The following AP5M1 variants were observed in gnomAD, a reference collection of about 807,000 sequenced individuals.
AP5M1 encodes the protein AP-5 complex subunit mu-1.
In AP5M1, 44 loss-of-function variants were observed where a neutral mutation model predicts 52.3. That is an observed-to-expected ratio of 0.84 (90% CI 0.66 to 1.08). The LOEUF (loss-of-function observed/expected upper bound fraction) is 1.08. Among genes scored for constraint, AP5M1 ranks in the 50% least tolerant of loss-of-function variants. AP5M1 has a pLI of 0.00. For synonymous variants in AP5M1, 213 were observed against 199.0 expected, an observed-to-expected ratio of 1.07 and a Z score of -0.59; for missense variants, 526 against 568.4, an observed-to-expected ratio of 0.93 and a Z score of 0.76.
intron 4 of AP5M1, 53 bp downstream of exon 4, chr14:57,282,281 A>G (rs1433585227): frequency 3.7e-5 from 49 of 1,336,110 alleles, no homozygotes; most frequent in Non-Finnish European, 4.9e-5. Context: ...ATACATTTCC[A>G]CTGTCCCACA....
At position 57,289,016 on chromosome 14, in the gene AP5M1, A is replaced by T; in HGVS notation, c.*132A>T. On this transcript the variant is annotated 3_prime_UTR_variant, in exon 8 of 8. Coordinates refer to ENST00000261558, the MANE Select transcript of AP5M1 (RefSeq NM_018229.4). ...ATGATTTAATTGTAAAAGTAGTCTT[A>T]TGTGGTGTTTGTAGTCTGATAGAGC... The T allele has an allele frequency of 1.8e-6, 1 of 563,932 alleles. No individual in the cohort carries two copies. The highest frequency in any genetic ancestry group is 3.1e-6 in the Non-Finnish European group (1 of 326,814). The allele number at this position is 563,932 out of a possible 1,614,324, so 34.9% of individuals were successfully genotyped here.
In AP5M1 at chr14:57,269,304, C is replaced by T. The variant is rs753565782; in HGVS notation, c.-11C>T. On this transcript the variant is annotated 5_prime_UTR_variant, in exon 1 of 8. Coordinates refer to ENST00000261558, the MANE Select transcript of AP5M1 (RefSeq NM_018229.4). ...AATTATGAGATGAGCTAATGCTTTA[C>T]TGACTTAACCATGGCGCAGCGGGCA... The T allele has an allele frequency of 2.5e-5, 41 of 1,613,762 alleles. No individual in the cohort carries two copies. Among genetic ancestry groups the T allele is most frequent in the South Asian group, 3.3e-5 (3 of 91,078 alleles).
Position 57,294,654 on chromosome 14 carries a change from C to T in AP5M1, c.*5770C>T, listed in dbSNP as rs1238348052. ...GAAGAATGTGATACCATTGAACTTC[C>T]AGACTACTTAGCTGGGGCTCTTTAA... On this transcript the variant is annotated 3_prime_UTR_variant, in exon 8 of 8. Coordinates refer to ENST00000261558, the MANE Select transcript of AP5M1 (RefSeq NM_018229.4). The T allele has an allele frequency of 6.6e-6, 1 of 151,838 alleles. No homozygotes were observed. The highest frequency in any genetic ancestry group is 2.4e-5 in the African/African-American group (1 of 41,376). The allele number at this position is 151,838 out of a possible 1,614,324, so 9.4% of individuals were successfully genotyped here.
rs1594710837 is a variant in AP5M1, at chr14:57,290,712, A to G, written c.*1828A>G. ...ACCTGATGCCATCTGTTGCCATTCC[A>G]TTCTAACATAGTGCTACAGAACTGA... is the stretch of plus-strand genomic sequence containing the variant. On this transcript the variant is annotated 3_prime_UTR_variant, in exon 8 of 8. Transcript: ENST00000261558. The G allele has an allele frequency of 6.6e-6, 1 of 152,052 alleles. No homozygotes were observed. The allele number at this position is 152,052 out of a possible 1,614,324, so 9.4% of individuals were successfully genotyped here. A position where few individuals can be genotyped will look rare whatever the true frequency, so the allele number is the denominator to read the frequency against.
chr14:57,270,167 C>A (rs1884851125), intron 1 of AP5M1, among the ~76,000 whole-genome samples: 1 of 152,084 alleles, frequency 6.6e-6, no homozygotes, highest in Non-Finnish European at 1.5e-5. Flanking sequence ...GTTTACAGTT[C>A]CTAATTGTTG....
Position 57,280,206 on chromosome 14 carries a change from A to C in AP5M1, c.732A>C (p.Glu244Asp), listed in dbSNP as rs1566516461. ...TGTTTGCATTTCAGTGTGATTTGGAAGGAATCATGCCAAATGTTACCATCA... is the reference window on the plus strand; with the variant it reads ...TGTTTGCATTTCAGTGTGATTTGGACGGAATCATGCCAAATGTTACCATCA... ...VGTVTCKCDLEGIMPNVTISL... is the reference protein window; with the variant it reads ...VGTVTCKCDLDGIMPNVTISL... Residue 244 changes from glutamate (E) to aspartate (D), a missense_variant, in exon 3 of 8, where the codon GAA (glutamate) becomes GAC (aspartate). By Grantham distance (45) the Glu-to-Asp change is conservative. Around this residue, in one of 3 missense-constraint regions of AP5M1, gnomAD observed 425 missense variants for 430.6 expected, o/e 0.99. Coordinates refer to ENST00000261558, the MANE Select transcript of AP5M1 (RefSeq NM_018229.4). The C allele has an allele frequency of 6.2e-7, 1 of 1,612,428 alleles. No individual in the cohort carries two copies. The highest frequency in any genetic ancestry group is 1.7e-5 in the Admixed American group (1 of 60,008).
At chr14:57,273,876 A>C in intron 1 of AP5M1, 1 of 603,222 alleles carries the variant, frequency 1.7e-6, no homozygotes, top group South Asian at 2.1e-5. Context: ...TCAGAAGAAA[A>C]AAAATTCTTA....
rs2139699195 is a variant in AP5M1 at position 57,289,445 on chromosome 14, A to G, written c.*561A>G. Reference sequence around the variant, plus strand: ...AAACAGCCAACAGAGACAAAGGAAAAGTGTTTAAATAGTAAGCTGTTCTTC... The same window carrying G: ...AAACAGCCAACAGAGACAAAGGAAAGGTGTTTAAATAGTAAGCTGTTCTTC... On this transcript the variant is annotated 3_prime_UTR_variant, in exon 8 of 8. Transcript: ENST00000261558. 6.6e-6 allele frequency: 1 copy of G among 152,236 alleles called. No homozygotes were observed. Among genetic ancestry groups the G allele is most frequent in the Non-Finnish European group, 1.5e-5 (1 of 68,018 alleles). The allele number at this position is 152,236 out of a possible 1,614,324, so 9.4% of individuals were successfully genotyped here. A position where few individuals can be genotyped will look rare whatever the true frequency, so the allele number is the denominator to read the frequency against.
chr14:57,291,640 T>C lies in AP5M1; in HGVS notation c.*2756T>C, dbSNP rs1447754578. 2 of 151,864 alleles carry C rather than the reference T, an allele frequency of 1.3e-5. No individual in the cohort carries two copies. Among genetic ancestry groups the C allele is most frequent in the African/African-American group, 2.4e-5 (1 of 41,402 alleles). The allele number at this position is 151,864 out of a possible 1,614,324, so 9.4% of individuals were successfully genotyped here. A position where few individuals can be genotyped will look rare whatever the true frequency, so the allele number is the denominator to read the frequency against. ...TTAAAAAATTTTTTTTATTAAACAT[T>C]AGTCTGTCCCATAAAATCGTTTTCA... On this transcript the variant is annotated 3_prime_UTR_variant, in exon 8 of 8. Transcript: ENST00000261558.
At position 57,282,092 on chromosome 14, in the gene AP5M1, C is replaced by T. The variant is rs754005036; in HGVS notation, c.952C>T (p.Pro318Ser). 4 of 1,572,076 alleles carry T rather than the reference C, an allele frequency of 2.5e-6. No individual in the cohort carries two copies. The highest frequency in any genetic ancestry group is 3.4e-6 in the Non-Finnish European group (4 of 1,164,802). Residue 318 changes from proline (P) to serine (S), a missense_variant, in exon 4 of 8, where the codon CCT (proline) becomes TCT (serine). Transcript: ENST00000261558. The stretch of plus-strand genomic sequence containing the variant: ...AGACATTTATGTTTCTTTTTAGGTC[C>T]CTGTCCCACCAATTTTGGGTTTTTA... ...FNLCFYTSQV[P>S]VPPILGFYQM...
At chr14:57,273,730 G>A (rs1384013919) in intron 1 of AP5M1, 5 of 702,022 alleles carry the variant, frequency 7.1e-6, no homozygotes, top group South Asian at 1.5e-5. Context: ...AAGACTCAGG[G>A]TACCTGTCAT....
intron 7 of AP5M1, 132 bp from the exon 8 acceptor site, chr14:57,288,670 T>C: frequency 3.4e-6 from 2 of 596,316 alleles, no homozygotes; most frequent in East Asian, 6.1e-5. Flanking sequence ...CTTGATAATA[T>C]GAAATTAAAA....
At chr14:57,288,169 A>T (rs910769523) in intron 7 of AP5M1, among the ~76,000 whole-genome samples, 4 of 151,732 alleles carry the variant, frequency 2.6e-5, no homozygotes, top group Non-Finnish European at 5.9e-5. Context: ...GGATAATTAT[A>T]TTTAATTGGA....
chr14:57,298,552 A>G lies in AP5M1; in HGVS notation c.*9668A>G, dbSNP rs1349533756. The G allele has an allele frequency of 6.6e-6, 1 of 152,152 alleles. No individual in the cohort carries two copies. Among genetic ancestry groups the G allele is most frequent in the Admixed American group, 6.6e-5 (1 of 15,260 alleles). 9.4% of individuals were successfully genotyped at this position (152,152 alleles called of 1,614,324 possible). On this transcript the variant is annotated 3_prime_UTR_variant, in exon 8 of 8. Coordinates refer to ENST00000261558, the MANE Select transcript of AP5M1 (RefSeq NM_018229.4). ...TCAATCAGTGTTCATTCCCTTCTGT[A>G]TCAAAGACTTATAATGGCCTTTTCA...
Position 57,293,603 on chromosome 14 carries a change from G to A in AP5M1, c.*4719G>A, listed in dbSNP as rs192184189. 6.6e-6 allele frequency: 1 copy of A among 151,788 alleles called. No individual in the cohort carries two copies. Among genetic ancestry groups the A allele is most frequent in the Non-Finnish European group, 1.5e-5 (1 of 67,750 alleles). 9.4% of individuals were successfully genotyped at this position (151,788 alleles called of 1,614,324 possible). The stretch of plus-strand genomic sequence containing the variant: ...CGGCATTCTATAAAGATAGAGGGCA[G>A]GTTCCCATGGCTATGTTGCTAAGAA... On this transcript the variant is annotated 3_prime_UTR_variant, in exon 8 of 8. Coordinates refer to ENST00000261558, the MANE Select transcript of AP5M1 (RefSeq NM_018229.4).
chr14:57,276,449 G>A (rs1007055113), intron 2 of AP5M1, among the ~76,000 whole-genome samples: 3 of 152,010 alleles, frequency 2.0e-5, no homozygotes, highest in Non-Finnish European at 4.4e-5. Flanking sequence ...GTTGGAGCAT[G>A]CCTGTAATCC....
chr14:57,282,126 A>C lies in AP5M1; in HGVS notation c.986A>C (p.Lys329Thr), dbSNP rs150264613. The stretch of plus-strand genomic sequence containing the variant: ...CCAATTTTGGGTTTTTATCAAATGA[A>C]GGAGGAAGAAGTACAACTAAGAATA... ...VPPILGFYQMKEEEVQLRITI... is the reference protein window; with the variant it reads ...VPPILGFYQMTEEEVQLRITI... The change falls in exon 4 of 8, where the codon AAG (lysine) becomes ACG (threonine). Residue 329 changes from lysine (K) to threonine (T), a missense_variant. Around this residue, in one of 3 missense-constraint regions of AP5M1, gnomAD observed 425 missense variants for 430.6 expected, o/e 0.99. Transcript: ENST00000261558. 130 of 1,576,706 alleles carry C rather than the reference A, an allele frequency of 8.2e-5. No homozygotes were observed. In the African/African-American group the frequency reaches 1.6e-3, roughly 19 times the overall value.
intron 6 of AP5M1, among the ~76,000 whole-genome samples, chr14:57,283,811 C>T (rs1349100370): frequency 6.6e-6 from 1 of 152,032 alleles, no homozygotes; most frequent in African/African-American, 2.4e-5. Flanking sequence ...CATGGTGAGA[C>T]CCCGCCTCTA....
intron 1 of AP5M1, among the ~76,000 whole-genome samples, chr14:57,272,623 T>C (rs534126731): frequency 6.6e-6 from 1 of 152,356 alleles, no homozygotes; most frequent in South Asian, 2.1e-4. Flanking sequence ...CAGATTAACT[T>C]ATCTTCACAG....
Sources: allele counts gnomAD v4.1 joint callset (sites outside exome capture counted in the v4.1 genomes callset), GRCh38; gene constraint gnomAD v4.1.1; regional missense constraint gnomAD v4.1.1; transcripts MANE v1.5; gene names NCBI Gene and HGNC (gene_info 2026-07-23, HGNC 2026-07-21).